ANP32E: variants seen among roughly 807,000 people sequenced by gnomAD.
ANP32E encodes acidic leucine-rich nuclear phosphoprotein 32 family member E.
A neutral mutation model predicts 35.3 loss-of-function variants in ANP32E; 14 were observed. The observed-to-expected ratio is 0.40, with a 90% confidence interval of 0.26 to 0.62. The LOEUF is 0.62. Among genes scored for constraint, ANP32E ranks in the 20% least tolerant of loss-of-function variants. ANP32E has a pLI of 0.45. For missense variants in ANP32E, 198 were observed against 304.4 expected, an observed-to-expected ratio of 0.65 and a Z score of 2.60; for synonymous variants, 89 against 110.4, an observed-to-expected ratio of 0.81 and a Z score of 1.22.
At chr1:150,231,621 T>C (rs1178355198) in intron 2 of ANP32E, among the ~76,000 whole-genome samples, 156 bp downstream of exon 2, 1 of 143,686 alleles carries the variant, frequency 7.0e-6, no homozygotes, top group Non-Finnish European at 1.6e-5. Flanking sequence ...AAAAGCAGTA[T>C]TAGAGCTTAT....
rs1372188681 is a variant in ANP32E, at chr1:150,219,114, T to C, written c.*1577A>G. The C allele has an allele frequency of 6.6e-6, 1 of 152,218 alleles. No homozygotes were observed. Among genetic ancestry groups the C allele is most frequent in the Non-Finnish European group, 1.5e-5 (1 of 68,030 alleles). The allele number at this position is 152,218 out of a possible 1,614,324, so 9.4% of individuals were successfully genotyped here. A position where few individuals can be genotyped will look rare whatever the true frequency, so the allele number is the denominator to read the frequency against. The stretch of plus-strand genomic sequence containing the variant: ...CATACATTTTACATTGTAGAAGCAG[T>C]AGCAGCAGTACTATACTCAGTATTT... On this transcript the variant is annotated 3_prime_UTR_variant, in exon 7 of 7. Transcript: ENST00000583931.
intron 1 of ANP32E, chr1:150,234,492 C>T: frequency 1.4e-6 from 1 of 733,160 alleles, no homozygotes; most frequent in Non-Finnish European, 1.7e-6. Context: ...ACAGACCCTG[C>T]TCATCCTCTA....
chr1:150,223,398 G>C (rs932094402), intron 5 of ANP32E, 158 bp from the exon 6 acceptor site: 1 of 997,018 alleles, frequency 1.0e-6, no homozygotes. Flanking sequence ...CCTAACTAAA[G>C]GGCCGGGCGC....
chr1:150,229,051 A>T (rs1242565626), intron 4 of ANP32E, 21 bp downstream of exon 4: 1 of 1,604,780 alleles, frequency 6.2e-7, no homozygotes, highest in African/African-American at 1.3e-5. Flanking sequence ...TGACACACTT[A>T]TGAGTATTAA....
chr1:150,227,043 T>G (rs1648937560), intron 4 of ANP32E, among the ~76,000 whole-genome samples: 1 of 152,024 alleles, frequency 6.6e-6, no homozygotes, highest in Admixed American at 6.6e-5. Flanking sequence ...CTCATGAAAA[T>G]ATTGCATGCA....
intron 1 of ANP32E, among the ~76,000 whole-genome samples, chr1:150,234,970 C>T (rs1183705131): frequency 6.6e-6 from 1 of 152,236 alleles, no homozygotes; most frequent in Non-Finnish European, 1.5e-5. Context: ...TTTTGTGAAA[C>T]CGTCTCCAGG....
chr1:150,223,428 C>T (rs868908071), intron 5 of ANP32E, 188 bp from the exon 6 acceptor site: 21 of 650,732 alleles, frequency 3.2e-5, no homozygotes, highest in Middle Eastern at 8.6e-4. Context: ...CGCCTGTAAT[C>T]CCAGTACTTT....
In ANP32E at chr1:150,235,136, C is replaced by T. The variant is rs1210782891; in HGVS notation, c.54+597G>A. Among the ~76,000 whole-genome samples, 1 of 152,216 alleles carries T rather than the reference C, an allele frequency of 6.6e-6. No homozygotes were observed. The highest frequency in any genetic ancestry group is 1.5e-5 in the Non-Finnish European group (1 of 68,028). On this transcript the variant is annotated intron_variant, in intron 1 of 6. Coordinates refer to ENST00000583931, the MANE Select transcript of ANP32E (RefSeq NM_030920.5). This position sits in a 1 kb window ranked among gnomAD's most constrained non-coding sequence, Gnocchi z 4.2. ...GGAGAACCCGCCGCTGACCCAGATT[C>T]CGCCGGGCGAAGGGCAGAGGGCGGC...
rs1471847368 is a variant in ANP32E at position 150,220,535 on chromosome 1, A to G, written c.*156T>C. ...TATGATCATTAACAGACTAGTTCTT[A>G]TTTGGAATGATAAGGCAAAAATAGT... On this transcript the variant is annotated 3_prime_UTR_variant, in exon 7 of 7. Transcript: ENST00000583931. 8.8e-6 allele frequency: 6 copies of G among 682,508 alleles called. No individual in the cohort carries two copies. Among genetic ancestry groups the G allele is most frequent in the Non-Finnish European group, 1.5e-5 (6 of 399,408 alleles). 42.3% of individuals were successfully genotyped at this position (682,508 alleles called of 1,614,324 possible).
At position 150,219,753 on chromosome 1, in the gene ANP32E, T is replaced by C. The variant is rs587599062; in HGVS notation, c.*938A>G. 1.3e-5 allele frequency: 2 copies of C among 152,324 alleles called. No homozygotes were observed. The highest frequency in any genetic ancestry group is 4.1e-4 in the South Asian group (2 of 4,828). 9.4% of individuals were successfully genotyped at this position (152,324 alleles called of 1,614,324 possible). A position where few individuals can be genotyped will look rare whatever the true frequency, so the allele number is the denominator to read the frequency against. ...AAACTGTATTGATAATATATTCTTA[T>C]GTCAGAAAATACTCAATTTCTTCTA... On this transcript the variant is annotated 3_prime_UTR_variant, in exon 7 of 7. Transcript: ENST00000583931.
chr1:150,228,241 C>T (rs1649040566), intron 4 of ANP32E, among the ~76,000 whole-genome samples: 1 of 151,998 alleles, frequency 6.6e-6, no homozygotes, highest in Non-Finnish European at 1.5e-5. Flanking sequence ...ATGAACTTTC[C>T]ATATAAATGA....
rs782442466 is a variant in ANP32E at position 150,226,683 on chromosome 1, T to C, written c.606A>G (p.Glu202=). The change falls in exon 5 of 7, where the codon GAA becomes GAG. Residue 202 remains glutamate, a synonymous_variant. Coordinates refer to ENST00000583931, the MANE Select transcript of ANP32E (RefSeq NM_030920.5). ...CTCCCAACTCTGAACCTGCTTCATC[T>C]TCATCTTCATCCTCATCCTCATCCT... The part of the protein sequence containing the change: ...EEEDEDEDED[E]DEAGSELGEG... The C allele has an allele frequency of 1.9e-6, 3 of 1,599,856 alleles. No individual in the cohort carries two copies. In the African/African-American group the frequency reaches 4.1e-5, roughly 22 times the overall value.
chr1:150,225,309 C>T (rs1648774687), intron 5 of ANP32E, among the ~76,000 whole-genome samples: 1 of 152,076 alleles, frequency 6.6e-6, no homozygotes, highest in Non-Finnish European at 1.5e-5. Context: ...CATATTCATA[C>T]ACAGCCATAA....
chr1:150,231,814 G>A lies in ANP32E; in HGVS notation c.167C>T (p.Ser56Leu), dbSNP rs1553841795. The change falls in exon 2 of 7, where the codon TCG becomes TTG. Residue 56 changes from serine to leucine, a missense_variant. Ser to Leu is a moderately radical substitution (Grantham distance 145). Around this residue, in one of 4 missense-constraint regions of ANP32E, gnomAD observed 11 missense variants for 56.9 expected, o/e 0.19. Coordinates refer to ENST00000583931, the MANE Select transcript of ANP32E (RefSeq NM_030920.5). ...ATTTAAGCTGGGAAGCCGGGCCAGC[G>A]AACTTAGTTCCACATTAGCCATACT... ...FLSMANVELS[S>L]LARLPSLNKL... 6.2e-7 allele frequency: 1 copy of A among 1,604,174 alleles called. No homozygotes were observed. Among genetic ancestry groups the A allele is most frequent in the Non-Finnish European group, 8.5e-7 (1 of 1,177,860 alleles).
At chr1:150,230,741 T>C in intron 2 of ANP32E, 48 bp from the exon 3 acceptor site, 3 of 1,476,636 alleles carry the variant, frequency 2.0e-6, no homozygotes, top group South Asian at 1.2e-5. Flanking sequence ...AGGTATCATA[T>C]CAAACTTTTT....
chr1:150,231,999 ACT>A, intron 1 of ANP32E, 73 bp from the exon 2 acceptor site: 5 of 1,428,412 alleles, frequency 3.5e-6, no homozygotes, highest in Non-Finnish European at 4.7e-6. Flanking sequence ...GGGTCTTGAC[ACT>A]CTGGAAATGT....
intron 1 of ANP32E, among the ~76,000 whole-genome samples, chr1:150,233,644 G>A (rs1168340336): frequency 1.3e-5 from 2 of 152,160 alleles, no homozygotes; most frequent in Non-Finnish European, 2.9e-5. Context: ...TAAGGGAAAG[G>A]TTGAAGATCC....
intron 1 of ANP32E, chr1:150,234,586 T>C: frequency 1.0e-6 from 1 of 985,570 alleles, no homozygotes; most frequent in Non-Finnish European, 1.2e-6. Flanking sequence ...TACGTTCCAA[T>C]TCTAGGCTTA....
intron 1 of ANP32E, among the ~76,000 whole-genome samples, chr1:150,233,905 T>G (rs782431958): frequency 6.6e-6 from 1 of 152,062 alleles, no homozygotes; most frequent in Non-Finnish European, 1.5e-5. Context: ...CCCGTTTAGC[T>G]GAGGAGTGGG....
Sources: allele counts gnomAD v4.1 joint callset (sites outside exome capture counted in the v4.1 genomes callset), GRCh38; gene constraint gnomAD v4.1.1; regional missense constraint gnomAD v4.1.1; non-coding constraint Gnocchi (gnomAD v3.1); transcripts MANE v1.5; gene names NCBI Gene and HGNC (gene_info 2026-07-23, HGNC 2026-07-21).